Variants in IDH3A observed in about 807,000 individuals in gnomAD.
IDH3A encodes the protein isocitrate dehydrogenase (NAD(+)) 3 catalytic subunit alpha.
Under a neutral mutation model 43.3 loss-of-function variants are expected in IDH3A, and 23 were observed. The observed-to-expected ratio is 0.53, with a 90% CI of 0.38 to 0.75. IDH3A has a LOEUF of 0.75. Ranked by LOEUF, IDH3A falls within the 30% of genes least tolerant of loss-of-function variation. The pLI, the probability that IDH3A is intolerant of heterozygous loss-of-function variation, is 0.00. For missense variants in IDH3A, 329 were observed against 474.4 expected, an observed-to-expected ratio of 0.69 and a Z score of 2.85; for synonymous variants, 154 against 163.5, an observed-to-expected ratio of 0.94 and a Z score of 0.44.
At chr15:78,154,283 C>T (rs1040820319) in intron 1 of IDH3A, among the ~76,000 whole-genome samples, 1 of 151,452 alleles carries the variant, frequency 6.6e-6, no homozygotes, top group Admixed American at 6.6e-5. Flanking sequence ...TTCCTAGTCC[C>T]AGCAAACTGA....
chr15:78,166,804 G>C (rs1400987589), intron 10 of IDH3A, among the ~76,000 whole-genome samples: 1 of 151,942 alleles, frequency 6.6e-6, no homozygotes, highest in Non-Finnish European at 1.5e-5. Context: ...GCTAATTTTT[G>C]TATTTTTAGT....
chr15:78,162,362 C>T lies in IDH3A; in HGVS notation c.606C>T (p.Asn202=), dbSNP rs775717227. The change falls in exon 6 of 11, where the codon AAC becomes AAT. Residue 202 remains asparagine (N), a synonymous_variant. Transcript: ENST00000299518. ...RSNVTAVHKA[N]IMRMSDGLFL... ...ACGTCACGGCGGTGCACAAAGCCAA[C>T]ATCATGTGAGCTCCTTGCGGGGGCC... is the stretch of plus-strand genomic sequence containing the variant. 8 of 1,614,048 alleles carry T rather than the reference C, an allele frequency of 5.0e-6. No homozygotes were observed. Among genetic ancestry groups the T allele is most frequent in the Non-Finnish European group, 5.9e-6 (7 of 1,179,964 alleles).
chr15:78,163,685 AT>A, intron 7 of IDH3A, 30 bp from the exon 8 acceptor site: 1 of 1,598,718 alleles, frequency 6.3e-7, no homozygotes, highest in Non-Finnish European at 8.6e-7. Flanking sequence ...GCAGATTTTG[AT>A]TACTAAATGC....
chr15:78,153,779 G>A (rs1211313304), intron 1 of IDH3A, among the ~76,000 whole-genome samples: 1 of 152,130 alleles, frequency 6.6e-6, no homozygotes, highest in Non-Finnish European at 1.5e-5. Flanking sequence ...AGCACTTTGG[G>A]TGTCCAAGGC....
Position 78,161,632 on chromosome 15 carries a change from T to G in IDH3A, c.341T>G (p.Leu114Arg). 6.2e-7 allele frequency: 1 copy of G among 1,614,224 alleles called. No homozygotes were observed. Among genetic ancestry groups the G allele is most frequent in the Non-Finnish European group, 8.5e-7 (1 of 1,180,048 alleles). ...AAGHPSMNLL[L>R]RKTFDLYANV... The stretch of plus-strand genomic sequence containing the variant: ...GGTCACCCATCTATGAATTTACTGC[T>G]GCGCAAAACATTTGACCTTTACGCG... Residue 114 changes from leucine (L) to arginine (R), a missense_variant, in exon 5 of 11, where the codon CTG becomes CGG. By Grantham distance (102) the Leu-to-Arg change is moderately radical. Transcript: ENST00000299518. This position sits in a 1 kb window ranked among gnomAD's most constrained non-coding sequence, Gnocchi z 4.8.
intron 8 of IDH3A, 119 bp downstream of exon 8, chr15:78,163,899 T>C: frequency 1.5e-6 from 1 of 684,028 alleles, no homozygotes; most frequent in East Asian, 2.7e-5. Context: ...TTGTAACATA[T>C]GAATTGAATT....
chr15:78,149,877 G>A (rs1251864522), intron 1 of IDH3A, among the ~76,000 whole-genome samples: 3 of 152,272 alleles, frequency 2.0e-5, no homozygotes, highest in Non-Finnish European at 4.4e-5. Flanking sequence ...CGCTGTCTGC[G>A]CGGCCCTTGG....
chr15:78,155,320 CAAGA>C (rs2074615213), intron 2 of IDH3A, 45 bp downstream of exon 2: 1 of 1,293,458 alleles, frequency 7.7e-7, no homozygotes. Flanking sequence ...AGAAGTTTCT[CAAGA>C]AAGATGCTCT....
intron 10 of IDH3A, chr15:78,168,013 T>G (rs1290716069): frequency 6.6e-6 from 1 of 152,070 alleles, no homozygotes; most frequent in African/African-American, 2.4e-5. Flanking sequence ...TTTTATTGTG[T>G]AGGATGGAAA....
intron 2 of IDH3A, 34 bp downstream of exon 2, chr15:78,155,309 T>A (rs778806761): frequency 7.0e-6 from 10 of 1,428,680 alleles, no homozygotes; most frequent in Non-Finnish European, 9.8e-6. Context: ...TTTTTCCTTT[T>A]AGAAGTTTCT....
Position 78,149,409 on chromosome 15 carries a change from T to C in IDH3A, c.6T>C (p.Ala2=), listed in dbSNP as rs1376355680. The C allele has an allele frequency of 6.4e-7, 1 of 1,551,978 alleles. No individual in the cohort carries two copies. The stretch of plus-strand genomic sequence containing the variant: ...CGGAGCCAGGAGGGGAAGCGATGGC[T>C]GGGCCCGCGTGGATCTCTAAGGTGA... The part of the protein sequence containing the change: M[A]GPAWISKVSR... The change falls in exon 1 of 11, where the codon GCT becomes GCC. Residue 2 remains alanine, a synonymous_variant. Transcript: ENST00000299518.
intron 3 of IDH3A, 104 bp from the exon 4 acceptor site, chr15:78,159,988 C>G (rs931701981): frequency 2.8e-6 from 2 of 724,996 alleles, no homozygotes; most frequent in Non-Finnish European, 5.0e-6. Context: ...GAGCGGGACT[C>G]TATCTCAAAA....
At chr15:78,162,413 G>A (rs1201700610) in intron 6 of IDH3A, 46 bp downstream of exon 6, 1 of 1,600,868 alleles carries the variant, frequency 6.2e-7, no homozygotes, top group East Asian at 2.2e-5. Flanking sequence ...TTTGTTGTGG[G>A]AGAGCAGTGA....
chr15:78,154,940 A>T, intron 1 of IDH3A: 1 of 298,958 alleles, frequency 3.3e-6, no homozygotes, highest in Non-Finnish European at 6.1e-6. Context: ...GTTTTATTCT[A>T]CCTTCAACAT....
rs1438124327 is a variant in IDH3A at position 78,170,469 on chromosome 15, T to G, written c.*1464T>G. On this transcript the variant is annotated 3_prime_UTR_variant, in exon 11 of 11. Coordinates refer to ENST00000299518, the MANE Select transcript of IDH3A (RefSeq NM_005530.3). ...TATTTTCCTTTGTTTAAGCTGCTGC[T>G]TCCTCTGTTTCATTGGATTGTGCCA... is the stretch of plus-strand genomic sequence containing the variant. The G allele has an allele frequency of 6.6e-6, 1 of 152,204 alleles. No homozygotes were observed. The highest frequency in any genetic ancestry group is 2.4e-5 in the African/African-American group (1 of 41,446). 9.4% of individuals were successfully genotyped at this position (152,204 alleles called of 1,614,324 possible). A position where few individuals can be genotyped will look rare whatever the true frequency, so the allele number is the denominator to read the frequency against.
Position 78,166,028 on chromosome 15 carries a change from G to A in IDH3A, c.865-122G>A, listed in dbSNP as rs1349804310. On this transcript the variant is annotated intron_variant, in intron 9 of 10. Transcript: ENST00000299518. Reference sequence around the variant, plus strand: ...TCAGTCCATATCAGATGAATTGCACGCAGTAGCTTTCAGTGCATATTTTGT... The same window carrying A: ...TCAGTCCATATCAGATGAATTGCACACAGTAGCTTTCAGTGCATATTTTGT... 11 of 891,110 alleles carry A rather than the reference G, an allele frequency of 1.2e-5. No homozygotes were observed. The East Asian group carries it at 1.7e-4, about 14-fold the overall frequency. The allele number at this position is 891,110 out of a possible 1,614,324, so 55.2% of individuals were successfully genotyped here.
chr15:78,154,504 T>C (rs2074608432), intron 1 of IDH3A: 1 of 152,304 alleles, frequency 6.6e-6, no homozygotes, highest in African/African-American at 2.4e-5. Flanking sequence ...GGTTTCCATT[T>C]TGCCAATTAT....
chr15:78,169,419 A>G lies in IDH3A; in HGVS notation c.*414A>G, dbSNP rs922887490. The G allele has an allele frequency of 6.5e-6, 1 of 153,028 alleles. No homozygotes were observed. The highest frequency in any genetic ancestry group is 2.4e-5 in the African/African-American group (1 of 41,486). 9.5% of individuals were successfully genotyped at this position (153,028 alleles called of 1,614,324 possible). A position where few individuals can be genotyped will look rare whatever the true frequency, so the allele number is the denominator to read the frequency against. ...GTTTTTGAAAAACATAATGGAAATA[A>G]AACAGGATATTGACATAATAGCACA... is the stretch of plus-strand genomic sequence containing the variant. On this transcript the variant is annotated 3_prime_UTR_variant, in exon 11 of 11. Transcript: ENST00000299518.
rs145985288 is a variant in IDH3A, at chr15:78,161,387, A to T, written c.290-194A>T. ...TGATTACAATGCTTGATCCTCAGGA[A>T]GTTCTGAAGATAAGAAACGCAGTTA... is the stretch of plus-strand genomic sequence containing the variant. On this transcript the variant is annotated intron_variant, in intron 4 of 10. Coordinates refer to ENST00000299518, the MANE Select transcript of IDH3A (RefSeq NM_005530.3). The surrounding 1 kb of genome is among the most constrained non-coding windows in gnomAD (Gnocchi z 4.8). Among the ~76,000 whole-genome samples, 1 of 152,326 alleles carries T rather than the reference A, an allele frequency of 6.6e-6. No homozygotes were observed. The highest frequency in any genetic ancestry group is 1.5e-5 in the Non-Finnish European group (1 of 68,020).
Sources: gnomAD v4.1 joint callset for allele counts (sites outside exome capture counted in the v4.1 genomes callset) on GRCh38, gnomAD v4.1.1 for gene constraint, Gnocchi (gnomAD v3.1) non-coding constraint, MANE v1.5 for transcripts, NCBI Gene and HGNC (gene_info 2026-07-23, HGNC 2026-07-21) for gene names.